The following CFTR variants were observed in gnomAD, a reference collection of about 807,000 sequenced individuals.
The protein encoded by CFTR is CF transmembrane conductance regulator, also known as cystic fibrosis transmembrane conductance regulator.
Under a neutral mutation model 171.6 loss-of-function variants are expected in CFTR, and 181 were observed. The observed-to-expected ratio is 1.05, with a 90% confidence interval of 0.93 to 1.19. CFTR has a LOEUF of 1.19. Ranked by LOEUF, CFTR falls within the 50% of genes most tolerant of loss-of-function variation. CFTR has a pLI of 0.00. For missense variants in CFTR, 1,968 were observed against 1,734.7 expected (o/e 1.13, Z -2.39); for synonymous variants, 583 against 608.0 (o/e 0.96, Z 0.60).
chr7:117,582,466 T>C (rs190852936), intron 11 of CFTR, among the ~76,000 whole-genome samples: 138 of 152,296 alleles, frequency 9.1e-4, no homozygotes, highest in Non-Finnish European at 1.3e-3. Context: ...ATGGCATTTT[T>C]CCCAGGGTAC....
chr7:117,564,708 A>AT (rs1157838605), intron 11 of CFTR: 2 of 166,970 alleles, frequency 1.2e-5, no homozygotes, highest in African/African-American at 4.8e-5. Context: ...TATCTTCCTC[A>AT]TTTTTGTGTT....
intron 23 of CFTR, among the ~76,000 whole-genome samples, chr7:117,645,348 TATGAGCTTCAA>T (rs1792982515): frequency 6.6e-6 from 1 of 152,228 alleles, no homozygotes; most frequent in Admixed American, 6.5e-5. Context: ...CAATCCAACC[TATGAGCTTCAA>T]ATGAAAAGTT....
intron 11 of CFTR, among the ~76,000 whole-genome samples, chr7:117,569,752 A>G (rs1791660617): frequency 6.6e-6 from 1 of 152,162 alleles, no homozygotes; most frequent in African/African-American, 2.4e-5. Flanking sequence ...GGATGAAAAC[A>G]GGTAATGTGT....
intron 7 of CFTR, 30 bp downstream of exon 7, chr7:117,536,703 T>C: frequency 6.3e-7 from 1 of 1,579,580 alleles, no homozygotes. Context: ...TCAATATTGT[T>C]AGTAATTCTG....
At chr7:117,537,489 C>T (rs1001059101) in intron 7 of CFTR, among the ~76,000 whole-genome samples, 3 of 152,004 alleles carry the variant, frequency 2.0e-5, no homozygotes, top group Admixed American at 6.6e-5. Context: ...GTTCAAGGAA[C>T]AAATAATTTC....
chr7:117,533,687 A>T (rs1262272014), intron 4 of CFTR, among the ~76,000 whole-genome samples: 1 of 152,152 alleles, frequency 6.6e-6, no homozygotes, highest in Non-Finnish European at 1.5e-5. Flanking sequence ...TATAATTTTA[A>T]TTAAGTAAAT....
At chr7:117,603,047 G>A (rs1443755611) in intron 16 of CFTR, among the ~76,000 whole-genome samples, 184 bp downstream of exon 16, 1 of 152,172 alleles carries the variant, frequency 6.6e-6, no homozygotes, top group Non-Finnish European at 1.5e-5. Context: ...ACACATTCCT[G>A]TAGTCCTAGC....
At chr7:117,659,231 C>T (rs1249701632) in intron 24 of CFTR, among the ~76,000 whole-genome samples, 1 of 152,166 alleles carries the variant, frequency 6.6e-6, no homozygotes, top group East Asian at 1.9e-4. Flanking sequence ...TCTGCCTTGA[C>T]ACTCCAGGTC....
intron 2 of CFTR, among the ~76,000 whole-genome samples, chr7:117,506,624 A>G (rs1798422596): frequency 1.3e-5 from 2 of 152,288 alleles, no homozygotes; most frequent in South Asian, 4.1e-4. Flanking sequence ...AATGTGATAC[A>G]TTTGTATTTA....
chr7:117,532,156 A>G (rs1798875872), intron 4 of CFTR, among the ~76,000 whole-genome samples: 1 of 152,132 alleles, frequency 6.6e-6, no homozygotes, highest in Admixed American at 6.6e-5. Flanking sequence ...TACCAGCAAA[A>G]CATGTGATAA....
At chr7:117,600,697 A>G (rs1488118942) in intron 15 of CFTR, among the ~76,000 whole-genome samples, 1 of 152,052 alleles carries the variant, frequency 6.6e-6, no homozygotes, top group Non-Finnish European at 1.5e-5. Context: ...GGTATTAAGC[A>G]CACTGTTTTC....
chr7:117,641,834 T>G (rs1792919703), intron 22 of CFTR, among the ~76,000 whole-genome samples: 1 of 152,218 alleles, frequency 6.6e-6, no homozygotes, highest in African/African-American at 2.4e-5. Context: ...CCAATCCAGG[T>G]GAATGTCAGA....
chr7:117,524,488 G>A (rs776124632), intron 3 of CFTR, among the ~76,000 whole-genome samples: 2 of 151,540 alleles, frequency 1.3e-5, no homozygotes, highest in Admixed American at 6.6e-5. Context: ...GTAAAATATT[G>A]ATCTAAAATA....
chr7:117,531,705 G>A (rs978442487), intron 4 of CFTR, among the ~76,000 whole-genome samples: 5 of 152,054 alleles, frequency 3.3e-5, no homozygotes, highest in Admixed American at 6.6e-5. Context: ...CCAAATTGCC[G>A]AGGCATCATT....
At chr7:117,538,146 G>A (rs548686707) in intron 7 of CFTR, among the ~76,000 whole-genome samples, 32 of 152,278 alleles carry the variant, frequency 2.1e-4, no homozygotes, top group African/African-American at 6.7e-4. Flanking sequence ...AAGGCTAGAA[G>A]TGTTGACATA....
At chr7:117,575,456 C>G (rs1468040054) in intron 11 of CFTR, among the ~76,000 whole-genome samples, 2 of 152,072 alleles carry the variant, frequency 1.3e-5, no homozygotes, top group African/African-American at 2.4e-5. Flanking sequence ...ATGTGCCTTA[C>G]AGAGGCCTTG....
intron 11 of CFTR, among the ~76,000 whole-genome samples, chr7:117,577,933 T>C (rs17450482): frequency 0.063 from 9,587 of 152,210 alleles, 386 homozygotes; most frequent in Middle Eastern, 0.12. Context: ...CTTTTACTTA[T>C]GCAGGATACC....
At chr7:117,574,855 G>T (rs1454451829) in intron 11 of CFTR, among the ~76,000 whole-genome samples, 1 of 151,898 alleles carries the variant, frequency 6.6e-6, no homozygotes, top group Admixed American at 6.6e-5. Context: ...TATAATTTGT[G>T]CACATTCTTC....
intron 26 of CFTR, 69 bp from the exon 27 acceptor site, chr7:117,666,839 C>A (rs1793383544): frequency 7.5e-7 from 1 of 1,332,038 alleles, no homozygotes; most frequent in African/African-American, 1.4e-5. Context: ...TGAGCCTGTG[C>A]CAGTTTCTGT....
Sources: allele counts gnomAD v4.1 joint callset (sites outside exome capture counted in the v4.1 genomes callset), GRCh38; gene constraint gnomAD v4.1.1; transcripts MANE v1.5; gene names NCBI Gene and HGNC (gene_info 2026-07-23, HGNC 2026-07-21).